Variants in NPAS3 observed in about 807,000 individuals in gnomAD.
The protein encoded by NPAS3 is neuronal PAS domain-containing protein 3.
NPAS3 carries 14 observed loss-of-function variants against 73.1 expected under a neutral mutation model. The ratio of observed to expected loss-of-function variants is 0.19; its 90% CI spans 0.13 to 0.30. The LOEUF is 0.30. Ranked by LOEUF, NPAS3 falls within the 10% of genes least tolerant of loss-of-function variation. The pLI is 1.00. For synonymous variants in NPAS3, 620 were observed against 541.5 expected, an observed-to-expected ratio of 1.14 and a Z score of -2.01; for missense variants, 1,096 against 1,250.0, an observed-to-expected ratio of 0.88 and a Z score of 1.86.
At chr14:33,647,694 A>G (rs1406468528) in intron 5 of NPAS3, among the ~76,000 whole-genome samples, 2 of 152,172 alleles carry the variant, frequency 1.3e-5, no homozygotes, top group African/African-American at 4.8e-5. Context: ...CTTAAGTAGT[A>G]GCCAGATTTG....
chr14:33,769,745 A>ATTTTTTTTTTTTTTTTTTTTTTTTT (rs5807743), intron 7 of NPAS3, among the ~76,000 whole-genome samples: 2 of 103,352 alleles, frequency 1.9e-5, no homozygotes, highest in African/African-American at 3.8e-5. Context: ...AAAGACTTGG[A>ATTTTTTTTTTTTTTTTTTTTTTTTT]TTTTTTTTTT....
intron 6 of NPAS3, among the ~76,000 whole-genome samples, chr14:33,694,224 T>TA (rs951592058): frequency 2.0e-5 from 3 of 152,104 alleles, no homozygotes; most frequent in Non-Finnish European, 2.9e-5. Context: ...GCAACTTGAT[T>TA]AAAAAAAGTT....
Position 33,635,722 on chromosome 14 carries a change from G to T in NPAS3, c.559-40489G>T, listed in dbSNP as rs529540091. Among the ~76,000 whole-genome samples the T allele has an allele frequency of 2.0e-4, 31 of 152,308 alleles. No homozygotes were observed. The South Asian group carries it at 3.5e-3, about 17-fold the overall frequency. ...CTAACTACTGATGTACCCTCCAGAA[G>T]CCCACCTTCCCTGGACTTGTCGGGG... On this transcript the variant is annotated intron_variant, in intron 5 of 11. Coordinates refer to ENST00000356141, the Ensembl canonical transcript of NPAS3.
At chr14:33,616,083 A>G (rs2057907462) in intron 5 of NPAS3, among the ~76,000 whole-genome samples, 1 of 151,954 alleles carries the variant, frequency 6.6e-6, no homozygotes, top group Non-Finnish European at 1.5e-5. Context: ...CCTTGACTCA[A>G]CCTCCTGGGA....
At chr14:33,467,081 C>T (rs2050561666) in intron 4 of NPAS3, among the ~76,000 whole-genome samples, 1 of 152,160 alleles carries the variant, frequency 6.6e-6, no homozygotes, top group Non-Finnish European at 1.5e-5. Flanking sequence ...AAAGTTGTTA[C>T]TTGGTTGGAA....
At chr14:33,730,957 A>T (rs2061383395) in intron 6 of NPAS3, among the ~76,000 whole-genome samples, 1 of 152,236 alleles carries the variant, frequency 6.6e-6, no homozygotes, top group Admixed American at 6.5e-5. Context: ...GTTTAACTTC[A>T]TGTCTTAACA....
chr14:33,712,824 A>G (rs2060858656), intron 6 of NPAS3, among the ~76,000 whole-genome samples: 1 of 152,232 alleles, frequency 6.6e-6, no homozygotes, highest in East Asian at 1.9e-4. Context: ...TAAACAAGGT[A>G]TAGCACATGG....
chr14:33,234,750 A>G (rs1026904603), intron 3 of NPAS3, among the ~76,000 whole-genome samples: 1 of 152,094 alleles, frequency 6.6e-6, no homozygotes, highest in Non-Finnish European at 1.5e-5. Flanking sequence ...CAAGTTTACT[A>G]TGGGTCTAGA....
chr14:33,635,669 T>C (rs2058494430), intron 5 of NPAS3, among the ~76,000 whole-genome samples: 1 of 152,182 alleles, frequency 6.6e-6, no homozygotes, highest in Non-Finnish European at 1.5e-5. Context: ...TCAGACATAG[T>C]CCAGATGTAA....
intron 4 of NPAS3, among the ~76,000 whole-genome samples, chr14:33,421,686 T>A (rs190335690): frequency 3.3e-5 from 5 of 152,096 alleles, no homozygotes; most frequent in Admixed American, 3.3e-4. Flanking sequence ...TTCAAGGTGA[T>A]CTGCTAGATA....
intron 4 of NPAS3, among the ~76,000 whole-genome samples, chr14:33,467,998 A>G (rs994162633): frequency 2.0e-5 from 3 of 152,080 alleles, no homozygotes; most frequent in Non-Finnish European, 4.4e-5. Flanking sequence ...TTAAACTAGA[A>G]CTGTGGGAAC....
intron 5 of NPAS3, among the ~76,000 whole-genome samples, chr14:33,605,409 A>AAC (rs1555421156): frequency 6.9e-6 from 1 of 145,530 alleles, no homozygotes; most frequent in Non-Finnish European, 1.5e-5. Context: ...AAAAAAAAAA[A>AAC]ACACAAACCT....
At chr14:32,938,445 C>T (rs1313360284), upstream of NPAS3, among the ~76,000 whole-genome samples, 2 of 96,294 alleles carry the variant, frequency 2.1e-5, no homozygotes, top group African/African-American at 8.7e-5. Context: ...GCCTCCCAGT[C>T]CCCCAACGAG....
At chr14:33,295,705 A>G (rs1478844615) in intron 3 of NPAS3, among the ~76,000 whole-genome samples, 1 of 152,210 alleles carries the variant, frequency 6.6e-6, no homozygotes, top group East Asian at 1.9e-4. Context: ...AATGTATTTT[A>G]TTTTAATGCA....
chr14:33,774,262 C>A, intron 7 of NPAS3, 75 bp from the exon 8 acceptor site: 1 of 1,193,012 alleles, frequency 8.4e-7, no homozygotes, highest in African/African-American at 1.5e-5. Context: ...TGTAATTTTG[C>A]ATTTCTCATA....
intron 3 of NPAS3, among the ~76,000 whole-genome samples, chr14:33,249,291 T>C (rs993268396): frequency 1.3e-5 from 2 of 151,906 alleles, no homozygotes; most frequent in Admixed American, 6.6e-5. Context: ...CTGAAGAACA[T>C]AGTATTCTTC....
intron 2 of NPAS3, among the ~76,000 whole-genome samples, chr14:33,103,272 C>T (rs2042630095): frequency 6.6e-6 from 1 of 152,150 alleles, no homozygotes; most frequent in Non-Finnish European, 1.5e-5. Flanking sequence ...TTCCCAAGAG[C>T]TTTGGTGGTC....
chr14:33,186,375 A>G (rs1432032710), intron 2 of NPAS3, among the ~76,000 whole-genome samples: 1 of 152,244 alleles, frequency 6.6e-6, no homozygotes, highest in African/African-American at 2.4e-5. Flanking sequence ...CAACAGTGAA[A>G]TAATACAACT....
intron 1 of NPAS3, among the ~76,000 whole-genome samples, chr14:32,986,910 AG>A (rs1302658162): frequency 1.3e-5 from 2 of 152,196 alleles, no homozygotes; most frequent in Non-Finnish European, 2.9e-5. Flanking sequence ...GTAACCCATT[AG>A]GCTGGAGAAG....
Sources: gnomAD v4.1 joint callset for allele counts (sites outside exome capture counted in the v4.1 genomes callset) on GRCh38, gnomAD v4.1.1 for gene constraint, MANE v1.5 for transcripts, NCBI Gene and HGNC (gene_info 2026-07-23, HGNC 2026-07-21) for gene names.